The following ST6GALNAC5 variants were observed in gnomAD, a reference collection of about 807,000 sequenced individuals.
ST6GALNAC5 encodes the protein ST6 N-acetylgalactosaminide alpha-2,6-sialyltransferase 5, also known as alpha-N-acetylgalactosaminide alpha-2,6-sialyltransferase 5.
In ST6GALNAC5, 27 loss-of-function variants were observed where a neutral mutation model predicts 33.6. That is an observed-to-expected ratio of 0.80 (90% CI 0.59 to 1.11). The LOEUF (loss-of-function observed/expected upper bound fraction) is 1.11. Ranked by LOEUF, ST6GALNAC5 falls within the 50% of genes least tolerant of loss-of-function variation. The pLI, the probability that ST6GALNAC5 is intolerant of heterozygous loss-of-function variation, is 0.00. For synonymous variants in ST6GALNAC5, 194 were observed against 171.2 expected (o/e 1.13, Z -1.04); for missense variants, 428 against 454.0 (o/e 0.94, Z 0.52).
intron 4 of ST6GALNAC5, among the ~76,000 whole-genome samples, chr1:77,062,507 G>A (rs998834501): frequency 1.7e-4 from 26 of 152,248 alleles, no homozygotes; most frequent in African/African-American, 5.8e-4. Context: ...CACAAGGCTG[G>A]GTGGATTAGG....
At chr1:77,000,270 T>C (rs1490787268) in intron 2 of ST6GALNAC5, among the ~76,000 whole-genome samples, 3 of 118,938 alleles carry the variant, frequency 2.5e-5, no homozygotes, top group African/African-American at 7.7e-5. Context: ...CATGTGTTTT[T>C]TGGCTGCATA....
chr1:77,036,194 T>G (rs559012202), intron 2 of ST6GALNAC5, among the ~76,000 whole-genome samples: 1 of 152,192 alleles, frequency 6.6e-6, no homozygotes, highest in East Asian at 1.9e-4. Flanking sequence ...GTTCCATTTA[T>G]GCGAAATGTC....
intron 2 of ST6GALNAC5, among the ~76,000 whole-genome samples, chr1:76,991,436 A>G (rs574098607): frequency 1.4e-4 from 21 of 152,322 alleles, no homozygotes; most frequent in African/African-American, 5.1e-4. Context: ...GGATTATTTC[A>G]ATATGCACAC....
At chr1:76,934,663 G>A (rs1220310491) in intron 2 of ST6GALNAC5, among the ~76,000 whole-genome samples, 4 of 151,984 alleles carry the variant, frequency 2.6e-5, no homozygotes, top group Non-Finnish European at 5.9e-5. Context: ...TGAGAATAAG[G>A]CCTGCATGCT....
At chr1:76,880,841 A>G (rs565204087) in intron 2 of ST6GALNAC5, among the ~76,000 whole-genome samples, 1 of 152,366 alleles carries the variant, frequency 6.6e-6, no homozygotes, top group South Asian at 2.1e-4. Flanking sequence ...GAATGTGGAT[A>G]TAATTGTGTT....
At chr1:76,891,893 G>C (rs138487517) in intron 2 of ST6GALNAC5, among the ~76,000 whole-genome samples, 1,571 of 152,196 alleles carry the variant, frequency 0.01, 26 homozygotes, top group African/African-American at 0.036. Flanking sequence ...GCATATCTAT[G>C]TATTTTAAAT....
intron 2 of ST6GALNAC5, among the ~76,000 whole-genome samples, chr1:76,910,064 T>C (rs1370120417): frequency 2.6e-5 from 4 of 152,180 alleles, no homozygotes; most frequent in Admixed American, 6.6e-5. Flanking sequence ...AACTTTACCC[T>C]TAAGCCTTAA....
chr1:76,920,021 A>G (rs758705950), intron 2 of ST6GALNAC5, among the ~76,000 whole-genome samples: 5 of 152,216 alleles, frequency 3.3e-5, no homozygotes, highest in African/African-American at 4.8e-5. Flanking sequence ...TATTTGCAGA[A>G]AACTAAGGCA....
At chr1:76,877,219 G>A (rs1437819688) in intron 2 of ST6GALNAC5, among the ~76,000 whole-genome samples, 3 of 152,138 alleles carry the variant, frequency 2.0e-5, no homozygotes, top group Non-Finnish European at 4.4e-5. Context: ...AGGCCTCTGC[G>A]GTGATTCACC....
At chr1:77,036,131 A>G (rs1651637758) in intron 2 of ST6GALNAC5, among the ~76,000 whole-genome samples, 1 of 152,224 alleles carries the variant, frequency 6.6e-6, no homozygotes, top group African/African-American at 2.4e-5. Flanking sequence ...ATGAACCTCA[A>G]AATTACTATG....
intron 2 of ST6GALNAC5, among the ~76,000 whole-genome samples, chr1:76,992,900 A>G (rs1200463885): frequency 6.6e-6 from 1 of 152,198 alleles, no homozygotes; most frequent in African/African-American, 2.4e-5. Context: ...CAGGTTAGAG[A>G]CAAAGTATGT....
rs57641764 is a variant in ST6GALNAC5, at chr1:76,961,546, T to C, written c.262-82658T>C. ...GCCCATGCCGCCTTCTCCAGCATCA[T>C]CTGCTACTCCAACTCCCTTGCTGCC... On this transcript the variant is annotated intron_variant, in intron 2 of 4. Coordinates refer to ENST00000477717, the MANE Select transcript of ST6GALNAC5 (RefSeq NM_030965.3). Among the ~76,000 whole-genome samples, 1,225 of 152,310 alleles carry C rather than the reference T, an allele frequency of 8.0e-3. 15 individuals are homozygous for C. Among genetic ancestry groups the C allele is most frequent in the African/African-American group, 0.027 (1,141 of 41,566 alleles).
intron 2 of ST6GALNAC5, among the ~76,000 whole-genome samples, chr1:76,989,248 T>C (rs898535085): frequency 3.9e-5 from 6 of 152,118 alleles, no homozygotes; most frequent in Non-Finnish European, 8.8e-5. Context: ...TCTGATTCTT[T>C]TGCCCCATTT....
At position 77,060,611 on chromosome 1, in the gene ST6GALNAC5, C is replaced by T. The variant is rs537222720; in HGVS notation, c.780-2364C>T. Among the ~76,000 whole-genome samples the T allele has an allele frequency of 5.3e-5, 8 of 152,226 alleles. No individual in the cohort carries two copies. The East Asian group carries it at 1.5e-3, about 29-fold the overall frequency. Reference sequence around the variant, plus strand: ...GGAAACAACTCGCTTACATGAATAACTTATCTTGACACCTCTGAAATCACA... The same window carrying T: ...GGAAACAACTCGCTTACATGAATAATTTATCTTGACACCTCTGAAATCACA... On this transcript the variant is annotated intron_variant, in intron 4 of 4. Coordinates refer to ENST00000477717, the MANE Select transcript of ST6GALNAC5 (RefSeq NM_030965.3).
chr1:77,011,390 G>T (rs1199408755), intron 2 of ST6GALNAC5, among the ~76,000 whole-genome samples: 1 of 152,166 alleles, frequency 6.6e-6, no homozygotes, highest in East Asian at 1.9e-4. Flanking sequence ...GAGTCATCGA[G>T]TGCTCATTTG....
intron 2 of ST6GALNAC5, among the ~76,000 whole-genome samples, chr1:76,903,795 A>G (rs1383993043): frequency 6.6e-6 from 1 of 152,218 alleles, no homozygotes; most frequent in Non-Finnish European, 1.5e-5. Flanking sequence ...TATTAAGCTA[A>G]GTTAAATAAG....
intron 2 of ST6GALNAC5, among the ~76,000 whole-genome samples, chr1:77,040,476 T>G (rs1195847812): frequency 6.6e-6 from 1 of 152,192 alleles, no homozygotes; most frequent in African/African-American, 2.4e-5. Context: ...CATGTTCTAG[T>G]GGTGCCCACT....
intron 2 of ST6GALNAC5, among the ~76,000 whole-genome samples, chr1:76,980,598 A>G (rs1366428382): frequency 6.6e-6 from 1 of 152,220 alleles, no homozygotes; most frequent in African/African-American, 2.4e-5. Flanking sequence ...AAAGAAGAAA[A>G]TTAAAGCCTC....
At chr1:76,927,750 G>A (rs1435516140) in intron 2 of ST6GALNAC5, among the ~76,000 whole-genome samples, 2 of 151,980 alleles carry the variant, frequency 1.3e-5, no homozygotes, top group Non-Finnish European at 2.9e-5. Context: ...GACCTCTATT[G>A]CATTTTGTTA....
Sources: gnomAD v4.1 joint callset for allele counts (sites outside exome capture counted in the v4.1 genomes callset) on GRCh38, gnomAD v4.1.1 for gene constraint, MANE v1.5 for transcripts, NCBI Gene and HGNC (gene_info 2026-07-23, HGNC 2026-07-21) for gene names.